CSMD1: variants seen among roughly 807,000 people sequenced by gnomAD.
CSMD1 encodes CUB and sushi domain-containing protein 1.
A neutral mutation model predicts 417.5 loss-of-function variants in CSMD1; 213 were observed. The ratio of observed to expected loss-of-function variants is 0.51; its 90% CI spans 0.46 to 0.57. The LOEUF (loss-of-function observed/expected upper bound fraction) is 0.57, where lower values mean the gene tolerates loss of function less well. Ranked by LOEUF, CSMD1 falls within the 20% of genes least tolerant of loss-of-function variation. The probability of loss-of-function intolerance (pLI) is 0.00; values close to 1 mark genes in which losing one functional copy is unlikely to be tolerated. For synonymous variants in CSMD1, 2,862 were observed against 1,736.8 expected, an observed-to-expected ratio of 1.65 and a Z score of -16.11; for missense variants, 6,923 against 4,529.7, an observed-to-expected ratio of 1.53 and a Z score of -15.17.
chr8:3,592,889 C>T (rs1267670758), intron 8 of CSMD1, among the ~76,000 whole-genome samples: 2 of 152,016 alleles, frequency 1.3e-5, no homozygotes, highest in East Asian at 3.9e-4. Context: ...TCCTGCTTCT[C>T]CACTATAAGA....
chr8:3,519,871 T>A (rs892424857), intron 10 of CSMD1, among the ~76,000 whole-genome samples: 1 of 152,124 alleles, frequency 6.6e-6, no homozygotes, highest in Admixed American at 6.6e-5. Flanking sequence ...AAAATAGCAA[T>A]TATTTTACTC....
chr8:4,371,166 T>C (rs1300655194), intron 3 of CSMD1, among the ~76,000 whole-genome samples: 2 of 152,278 alleles, frequency 1.3e-5, no homozygotes, highest in East Asian at 3.9e-4. Flanking sequence ...TGAATGACTT[T>C]ATTTCTGGAT....
chr8:4,379,985 C>T (rs926768057), intron 3 of CSMD1, among the ~76,000 whole-genome samples: 4 of 152,318 alleles, frequency 2.6e-5, no homozygotes, highest in African/African-American at 7.2e-5. Context: ...CATGGAATAG[C>T]ATCAGTATTG....
At chr8:3,734,272 A>T (rs910565846) in intron 6 of CSMD1, among the ~76,000 whole-genome samples, 1 of 152,214 alleles carries the variant, frequency 6.6e-6, no homozygotes, top group Admixed American at 6.5e-5. Context: ...TTCATCTCCC[A>T]GTGTCTCCCT....
intron 2 of CSMD1, among the ~76,000 whole-genome samples, chr8:4,442,792 A>G (rs977520405): frequency 1.1e-4 from 17 of 152,316 alleles, no homozygotes; most frequent in Non-Finnish European, 2.2e-4. Flanking sequence ...ATAACTTACA[A>G]TTTTTAAAAT....
intron 3 of CSMD1, among the ~76,000 whole-genome samples, chr8:4,414,585 A>G (rs769472690): frequency 6.6e-6 from 1 of 151,952 alleles, no homozygotes; most frequent in Non-Finnish European, 1.5e-5. Flanking sequence ...TTTATCTTTA[A>G]ATCAATTCAG....
rs184600309 is a variant in CSMD1 at position 3,592,694 on chromosome 8, G to C, written c.1098-6434C>G. ...CACATCCGTGTGTGTGTGCACATCC[G>C]TGTGTGTGTGTGTGTGAGTATGCAC... is the stretch of plus-strand genomic sequence containing the variant. On this transcript the variant is annotated intron_variant, in intron 8 of 69. Transcript: ENST00000635120. 5.2e-3 allele frequency among the ~76,000 whole-genome samples: 512 copies of C among 99,344 alleles called. 4 individuals are homozygous for C. Among genetic ancestry groups the C allele is most frequent in the African/African-American group, 0.016 (468 of 28,626 alleles). The allele number at this position is 99,344 out of a possible 152,430, so 65.2% of individuals were successfully genotyped here.
intron 5 of CSMD1, among the ~76,000 whole-genome samples, chr8:3,891,331 T>C (rs902673000): frequency 3.2e-4 from 49 of 152,266 alleles, no homozygotes; most frequent in Admixed American, 8.5e-4. Context: ...ATTACAGGCG[T>C]GAGCCACCGC....
At chr8:4,163,472 T>G (rs1176619278) in intron 3 of CSMD1, among the ~76,000 whole-genome samples, 2 of 152,230 alleles carry the variant, frequency 1.3e-5, no homozygotes, top group Admixed American at 6.5e-5. Flanking sequence ...GTGAGTTACT[T>G]TTATTTAGAT....
intron 1 of CSMD1, among the ~76,000 whole-genome samples, chr8:4,859,563 G>GA (rs1415202193): frequency 2.0e-5 from 3 of 151,736 alleles, no homozygotes; most frequent in African/African-American, 7.3e-5. Flanking sequence ...AAATTTACAA[G>GA]AAAAAAACAA....
chr8:3,719,603 C>T (rs1000562624), intron 6 of CSMD1, among the ~76,000 whole-genome samples: 3 of 152,020 alleles, frequency 2.0e-5, no homozygotes, highest in Non-Finnish European at 4.4e-5. Flanking sequence ...CTGTGATGAA[C>T]GAAAAAGATG....
intron 3 of CSMD1, among the ~76,000 whole-genome samples, chr8:4,417,094 A>C (rs567207126): frequency 1.3e-5 from 2 of 152,166 alleles, no homozygotes; most frequent in South Asian, 4.1e-4. Flanking sequence ...TATATTTAGC[A>C]GTTAAAATGT....
intron 3 of CSMD1, among the ~76,000 whole-genome samples, chr8:4,045,803 G>C (rs141602428): frequency 1.1e-4 from 16 of 152,238 alleles, no homozygotes; most frequent in African/African-American, 3.4e-4. Context: ...GACATTGTGA[G>C]ACATGGCTTC....
At chr8:3,274,660 T>C (rs900701746) in intron 26 of CSMD1, among the ~76,000 whole-genome samples, 30 of 152,292 alleles carry the variant, frequency 2.0e-4, no homozygotes, top group African/African-American at 6.7e-4. Flanking sequence ...TCTTGTTGAA[T>C]TGATCCCTTT....
chr8:3,506,382 G>A (rs1321669217), intron 10 of CSMD1, among the ~76,000 whole-genome samples: 1 of 152,172 alleles, frequency 6.6e-6, no homozygotes, highest in Non-Finnish European at 1.5e-5. Flanking sequence ...TGGAGGTAGG[G>A]GAGTAAACAC....
intron 1 of CSMD1, among the ~76,000 whole-genome samples, chr8:4,763,834 T>G (rs1324551983): frequency 6.6e-6 from 1 of 152,206 alleles, no homozygotes; most frequent in Non-Finnish European, 1.5e-5. Context: ...TGGTTTAATT[T>G]CCATTTGAAA....
At chr8:3,813,993 G>C (rs779594007) in intron 5 of CSMD1, among the ~76,000 whole-genome samples, 19 of 152,170 alleles carry the variant, frequency 1.2e-4, no homozygotes, top group Non-Finnish European at 2.5e-4. Context: ...AGTAAAAGGA[G>C]AACCGTTCAA....
At chr8:4,971,904 C>T (rs1810262329) in intron 1 of CSMD1, among the ~76,000 whole-genome samples, 1 of 151,952 alleles carries the variant, frequency 6.6e-6, no homozygotes, top group Non-Finnish European at 1.5e-5. Flanking sequence ...TAGGTGATGA[C>T]TTAGGACATT....
chr8:3,996,115 C>A (rs116953123), intron 5 of CSMD1, among the ~76,000 whole-genome samples: 5 of 152,174 alleles, frequency 3.3e-5, no homozygotes, highest in Non-Finnish European at 7.4e-5. Flanking sequence ...CTGACACAAA[C>A]TAAGTTTCTT....
Sources: allele counts gnomAD v4.1 joint callset (sites outside exome capture counted in the v4.1 genomes callset), GRCh38; gene constraint gnomAD v4.1.1; transcripts MANE v1.5; gene names NCBI Gene and HGNC (gene_info 2026-07-23, HGNC 2026-07-21).